RUSC1: variants seen among roughly 807,000 people sequenced by gnomAD.
RUSC1 encodes the protein RUN and SH3 domain containing 1, also known as AP-4 complex accessory subunit RUSC1.
RUSC1 carries 40 observed loss-of-function variants against 72.1 expected under a neutral mutation model. The ratio of observed to expected loss-of-function variants is 0.55; its 90% confidence interval spans 0.43 to 0.72. The LOEUF is 0.72. Among genes scored for constraint, RUSC1 ranks in the 30% least tolerant of loss-of-function variants. The pLI is 0.00. For synonymous variants in RUSC1, 512 were observed against 494.2 expected (o/e 1.04, Z -0.48); for missense variants, 1,092 against 1,172.3 (o/e 0.93, Z 1.00).
chr1:155,324,303 A>C, intron 2 of RUSC1: 1 of 1,565,930 alleles, frequency 6.4e-7, no homozygotes, highest in Non-Finnish European at 8.6e-7. Context: ...ACCCTCCGCC[A>C]AGAGGCTGCT....
chr1:155,330,026 A>C (rs1366085727), intron 9 of RUSC1, among the ~76,000 whole-genome samples: 1 of 149,622 alleles, frequency 6.7e-6, no homozygotes, highest in African/African-American at 2.5e-5. Context: ...TTGGTGATGG[A>C]TTGGATGTAT....
At chr1:155,330,349 G>T (rs893830018) in intron 9 of RUSC1, 54 bp from the exon 10 acceptor site, 1 of 1,596,594 alleles carries the variant, frequency 6.3e-7, no homozygotes, top group African/African-American at 1.3e-5. Flanking sequence ...GCCTGGGGAC[G>T]GCTGGGCAGC....
chr1:155,321,548 C>T, intron 1 of RUSC1, 140 bp from the exon 2 acceptor site: 1 of 1,353,180 alleles, frequency 7.4e-7, no homozygotes, highest in Non-Finnish European at 1.0e-6. Context: ...AATGGTCAGT[C>T]GATTGCGATT....
At position 155,325,188 on chromosome 1, in the gene RUSC1, G is replaced by T; in HGVS notation, c.1533+10G>T. ...GAACTTGGTGCAGAAGGTGAAGGTG[G>T]CTGGGGGGAGGCTGTTGGGATGAGG... On this transcript the variant is annotated intron_variant, in intron 4 of 9. Transcript: ENST00000368352. The surrounding 1 kb of genome is among the most constrained non-coding windows in gnomAD (Gnocchi z 6.5). The T allele has an allele frequency of 6.2e-7, 1 of 1,614,216 alleles. No individual in the cohort carries two copies. Among genetic ancestry groups the T allele is most frequent in the Non-Finnish European group, 8.5e-7 (1 of 1,180,032 alleles).
intron 2 of RUSC1, chr1:155,324,240 G>A: frequency 1.4e-6 from 2 of 1,455,212 alleles, no homozygotes; most frequent in Non-Finnish European, 1.8e-6. Context: ...TGGCACTAGA[G>A]GTTCTGGCCA....
intron 2 of RUSC1, chr1:155,324,383 TC>T: frequency 6.2e-7 from 1 of 1,612,198 alleles, no homozygotes. Flanking sequence ...TCCCTCCGTC[TC>T]CTCCCTTTCC....
chr1:155,327,694 G>A (rs115324804), intron 8 of RUSC1, among the ~76,000 whole-genome samples: 1,774 of 152,286 alleles, frequency 0.012, 37 homozygotes, highest in African/African-American at 0.041. Context: ...GCTACTCTAG[G>A]AGGCTGAGGT....
intron 2 of RUSC1, chr1:155,324,163 G>C (rs1464443474): frequency 3.7e-6 from 5 of 1,364,764 alleles, no homozygotes; most frequent in Non-Finnish European, 4.7e-6. Context: ...TCCTTGGCCT[G>C]TGCAGCTCGG....
intron 1 of RUSC1, chr1:155,321,439 C>T (rs534045514): frequency 2.1e-6 from 3 of 1,421,950 alleles, no homozygotes; most frequent in African/African-American, 1.4e-5. Flanking sequence ...CCCCCGCCCC[C>T]CTTCGGAGAT....
rs939985365 is a variant in RUSC1, at chr1:155,325,011, A to G, written c.1456+68A>G. ...GCCCTTCGCCCCCGGCCCTGCTCTC[A>G]GGCTGTCCGAAGGCAGTCTCTCCAC... On this transcript the variant is annotated intron_variant, in intron 3 of 9. Coordinates refer to ENST00000368352, the MANE Select transcript of RUSC1 (RefSeq NM_001105203.2). The surrounding 1 kb of genome is among the most constrained non-coding windows in gnomAD (Gnocchi z 6.5). 7.4e-6 allele frequency: 12 copies of G among 1,613,540 alleles called. No individual in the cohort carries two copies. In the Admixed American group the frequency reaches 8.3e-5, roughly 11 times the overall value.
chr1:155,321,135 C>T (rs1650394761), intron 1 of RUSC1, 144 bp downstream of exon 1: 1 of 1,379,592 alleles, frequency 7.2e-7, no homozygotes, highest in Admixed American at 1.9e-5. Flanking sequence ...ATGGACATAC[C>T]GCTGTTCCGA....
At chr1:155,324,998 C>T (rs1242630312) in intron 3 of RUSC1, 55 bp downstream of exon 3, 10 of 1,613,706 alleles carry the variant, frequency 6.2e-6, no homozygotes, top group Non-Finnish European at 7.6e-6. Flanking sequence ...CCTTCGCCCC[C>T]GGCCCTGCTC....
At position 155,323,109 on chromosome 1, in the gene RUSC1, G is replaced by A; in HGVS notation, c.1336G>A (p.Gly446Ser). 7.0e-7 allele frequency: 1 copy of A among 1,423,564 alleles called. No individual in the cohort carries two copies. Among genetic ancestry groups the A allele is most frequent in the Non-Finnish European group, 9.1e-7 (1 of 1,093,858 alleles). 88.2% of individuals were successfully genotyped at this position (1,423,564 alleles called of 1,614,324 possible). Residue 446 changes from glycine to serine, a missense_variant, in exon 2 of 10, where the codon GGC becomes AGC. Coordinates refer to ENST00000368352, the MANE Select transcript of RUSC1 (RefSeq NM_001105203.2). Reference sequence around the variant, plus strand: ...GGAGGCCCCAGCCGCGAAGGAGCCGGGCGCGCAGGCCGGCCTGGAGGGTAA... The same window carrying A: ...GGAGGCCCCAGCCGCGAAGGAGCCGAGCGCGCAGGCCGGCCTGGAGGGTAA... ...GEEAPAAKEP[G>S]AQAGLEVRSS...
In RUSC1 at chr1:155,321,738, T is replaced by C; in HGVS notation, c.-36T>C. 2 of 1,612,408 alleles carry C rather than the reference T, an allele frequency of 1.2e-6. No homozygotes were observed. Among genetic ancestry groups the C allele is most frequent in the Non-Finnish European group, 1.7e-6 (2 of 1,178,946 alleles). ...GTGGATGTGAGAGACCCTACCCTTCTGGTTCTCTAGAAGCCATCCCATCGC... is the reference window on the plus strand; with the variant it reads ...GTGGATGTGAGAGACCCTACCCTTCCGGTTCTCTAGAAGCCATCCCATCGC... On this transcript the variant is annotated 5_prime_UTR_variant, in exon 2 of 10. Transcript: ENST00000368352.
intron 2 of RUSC1, chr1:155,324,132 G>A: frequency 7.8e-7 from 1 of 1,281,130 alleles, no homozygotes; most frequent in Non-Finnish European, 9.9e-7. Context: ...TAGGGGCTTT[G>A]GGTCACACCC....
Position 155,326,390 on chromosome 1 carries a change from T to A in RUSC1, c.1862-190T>A, listed in dbSNP as rs1570907321. On this transcript the variant is annotated intron_variant, in intron 7 of 9. Transcript: ENST00000368352. The surrounding 1 kb of genome is among the most constrained non-coding windows in gnomAD (Gnocchi z 4.7). Reference sequence around the variant, plus strand: ...CTTGTCACCACTTGCTGTGTGTGTCTTCCTATTTGGGCTAGGTTCCATGCA... The same window carrying A: ...CTTGTCACCACTTGCTGTGTGTGTCATCCTATTTGGGCTAGGTTCCATGCA... The A allele has an allele frequency of 1.6e-6, 1 of 607,738 alleles. No individual in the cohort carries two copies. The highest frequency in any genetic ancestry group is 2.9e-6 in the Non-Finnish European group (1 of 347,158). 37.6% of individuals were successfully genotyped at this position (607,738 alleles called of 1,614,324 possible).
intron 9 of RUSC1, among the ~76,000 whole-genome samples, chr1:155,329,392 CTTT>C (rs749137919): frequency 2.1e-4 from 25 of 118,448 alleles, no homozygotes; most frequent in African/African-American, 6.7e-4. Context: ...GGCTACTAAA[CTTT>C]TTTTTTTTTT....
chr1:155,328,587 G>A (rs1197135450), intron 9 of RUSC1, among the ~76,000 whole-genome samples: 2 of 151,270 alleles, frequency 1.3e-5, no homozygotes, highest in Non-Finnish European at 2.9e-5. Context: ...CCACCACCAT[G>A]CCCGTTTAAG....
rs1036530218 is a variant in RUSC1, at chr1:155,326,833, C to A, written c.2115C>A (p.Ser705Arg). 1 of 1,613,600 alleles carries A rather than the reference C, an allele frequency of 6.2e-7. No homozygotes were observed. Among genetic ancestry groups the A allele is most frequent in the East Asian group, 2.2e-5 (1 of 44,890 alleles). The part of the protein sequence containing the change: ...MLHFGGRLAQ[S>R]LRGTSKEAAS... ...ACTTTGGGGGCCGGCTGGCCCAGAG[C>A]CTTCGGGGGACTTCCAAGGAAGCTG... The change falls in exon 8 of 10, where the codon AGC becomes AGA. Residue 705 changes from serine (S) to arginine (R), a missense_variant. Physicochemically the swap from Ser to Arg is moderately radical, Grantham distance 110 (BLOSUM62 -1). Coordinates refer to ENST00000368352, the MANE Select transcript of RUSC1 (RefSeq NM_001105203.2). The surrounding 1 kb of genome is among the most constrained non-coding windows in gnomAD (Gnocchi z 4.7).
Sources: gnomAD v4.1 joint callset for allele counts (sites outside exome capture counted in the v4.1 genomes callset) on GRCh38, gnomAD v4.1.1 for gene constraint, Gnocchi (gnomAD v3.1) non-coding constraint, MANE v1.5 for transcripts, NCBI Gene and HGNC (gene_info 2026-07-23, HGNC 2026-07-21) for gene names.